The following ABCB9 variants were observed in gnomAD, a reference collection of about 807,000 sequenced individuals.
The protein encoded by ABCB9 is ATP binding cassette subfamily B member 9, also known as ABC-type oligopeptide transporter ABCB9.
ABCB9 carries 36 observed loss-of-function variants against 62.0 expected under a neutral mutation model. The observed-to-expected ratio is 0.58, with a 90% confidence interval of 0.45 to 0.77. ABCB9 has a LOEUF of 0.77. Among genes scored for constraint, ABCB9 ranks in the 30% least tolerant of loss-of-function variants. ABCB9 has a pLI of 0.00. For missense variants in ABCB9, 943 were observed against 1,054.7 expected, an observed-to-expected ratio of 0.89 and a Z score of 1.47; for synonymous variants, 435 against 461.4, an observed-to-expected ratio of 0.94 and a Z score of 0.73.
intron 1 of ABCB9, among the ~76,000 whole-genome samples, chr12:122,963,089 C>G (rs541560010): frequency 6.6e-6 from 1 of 152,234 alleles, no homozygotes; most frequent in East Asian, 1.9e-4. Context: ...CTTGAGCTCA[C>G]GAGTTCGATT....
rs2036080610 is a variant in ABCB9 at position 122,947,062 on chromosome 12, C to T, written c.1054-840G>A. On this transcript the variant is annotated intron_variant, in intron 5 of 11. Coordinates refer to ENST00000280560, the MANE Select transcript of ABCB9 (RefSeq NM_019625.4). The surrounding 1 kb of genome is among the most constrained non-coding windows in gnomAD (Gnocchi z 6.0). ...GTGGTTTGTGGAGATGACTCGCTGG[C>T]TACACACAACACATTCAGGCATGGG... Among the ~76,000 whole-genome samples the T allele has an allele frequency of 6.6e-6, 1 of 152,208 alleles. No homozygotes were observed. Among genetic ancestry groups the T allele is most frequent in the African/African-American group, 2.4e-5 (1 of 41,444 alleles).
At chr12:122,938,087 A>T (rs2035551689) in intron 9 of ABCB9, among the ~76,000 whole-genome samples, 1 of 152,248 alleles carries the variant, frequency 6.6e-6, no homozygotes, top group Admixed American at 6.5e-5. Context: ...AAACTACGGC[A>T]GTTGGGGATG....
chr12:122,972,482 A>G (rs1479054924), intron 1 of ABCB9, among the ~76,000 whole-genome samples: 1 of 151,832 alleles, frequency 6.6e-6, no homozygotes, highest in Non-Finnish European at 1.5e-5. Context: ...TGCTGGTTAC[A>G]TGGGTTTGTC....
At chr12:122,919,033 CTTCTA>C (rs1156297121), downstream of ABCB9, among the ~76,000 whole-genome samples, 1 of 152,156 alleles carries the variant, frequency 6.6e-6, no homozygotes, top group African/African-American at 2.4e-5. Context: ...TTGCATAATG[CTTCTA>C]AGGACCATCT....
chr12:122,921,678 G>C (rs2034750950), intron 11 of ABCB9, among the ~76,000 whole-genome samples: 1 of 152,178 alleles, frequency 6.6e-6, no homozygotes, highest in Admixed American at 6.5e-5. Flanking sequence ...TCGGGAGGCT[G>C]AGGCAGGAGA....
intron 2 of ABCB9, among the ~76,000 whole-genome samples, chr12:122,957,250 C>G (rs1594060733): frequency 1.3e-5 from 2 of 152,086 alleles, no homozygotes; most frequent in Non-Finnish European, 2.9e-5. Context: ...TGCTGTGTTG[C>G]CCAGAGTGGT....
downstream of ABCB9, chr12:122,924,816 T>TG: frequency 3.9e-6 from 6 of 1,534,820 alleles, no homozygotes; most frequent in South Asian, 7.1e-5. Flanking sequence ...GCACACTGTG[T>TG]GGGACAGAAG....
In ABCB9 at chr12:122,940,963, C is replaced by T. The variant is rs1166058072; in HGVS notation, c.1413G>A (p.Gln471=). 6.2e-7 allele frequency: 1 copy of T among 1,612,030 alleles called. No individual in the cohort carries two copies. The change falls in exon 8 of 12, where the codon CAG becomes CAA. Residue 471 remains glutamine (Q), a synonymous_variant. Transcript: ENST00000280560. The surrounding 1 kb of genome is among the most constrained non-coding windows in gnomAD (Gnocchi z 4.8). ...SVGSVYSGLM[Q]GVGAAEKVFE... is the part of the protein sequence containing the mutation. ...ACACCTTCTCAGCAGCCCCCACTCC[C>T]TGCATCAGGCCACTGTAGACGGAGC...
Position 122,930,981 on chromosome 12 carries a change from C to T in ABCB9, c.2041-810G>A, listed in dbSNP as rs892606568. On this transcript the variant is annotated intron_variant, in intron 11 of 11. Transcript: ENST00000280560. The surrounding 1 kb of genome is among the most constrained non-coding windows in gnomAD (Gnocchi z 4.9). ...GGTCACACAGTTATAAACTGTAGGA[C>T]GGAGCTGCTAATCCAGGTATCCCCA... 3.9e-5 allele frequency among the ~76,000 whole-genome samples: 6 copies of T among 152,284 alleles called. No individual in the cohort carries two copies. The highest frequency in any genetic ancestry group is 3.4e-3 in the Middle Eastern group (1 of 294).
At position 122,944,557 on chromosome 12, in the gene ABCB9, C is replaced by T. The variant is rs1354407149; in HGVS notation, c.1252-38G>A. ...GAGAGGGGATGTGGGTCGAGGGGAC[C>T]TTAGATCCCCCACCATCCCCATTCC... is the stretch of plus-strand genomic sequence containing the variant. On this transcript the variant is annotated intron_variant, in intron 6 of 11. Transcript: ENST00000280560. This position sits in a 1 kb window ranked among gnomAD's most constrained non-coding sequence, Gnocchi z 4.9. 6.2e-7 allele frequency: 1 copy of T among 1,607,118 alleles called. No individual in the cohort carries two copies. Among genetic ancestry groups the T allele is most frequent in the East Asian group, 2.2e-5 (1 of 44,760 alleles).
chr12:122,942,961 C>T (rs1179664101), intron 7 of ABCB9, among the ~76,000 whole-genome samples: 1 of 152,148 alleles, frequency 6.6e-6, no homozygotes, highest in African/African-American at 2.4e-5. Flanking sequence ...GATGCAATGG[C>T]CTGAGTAGCA....
chr12:122,960,165 A>G lies in ABCB9; in HGVS notation c.71T>C (p.Ile24Thr). ...MSVDICVTTA[I>T]YVFSHLDRSL... Reference sequence around the variant, plus strand: ...GCGGTCCAGGTGGCTGAAGACATAGATGGCCGTGGTCACGCAGATGTCCAC... The same window carrying G: ...GCGGTCCAGGTGGCTGAAGACATAGGTGGCCGTGGTCACGCAGATGTCCAC... The change falls in exon 2 of 12, where the codon ATC becomes ACC. Residue 24 changes from isoleucine to threonine, a missense_variant. Transcript: ENST00000280560. The G allele has an allele frequency of 6.2e-7, 1 of 1,613,652 alleles. No homozygotes were observed. The highest frequency in any genetic ancestry group is 8.5e-7 in the Non-Finnish European group (1 of 1,180,022).
intron 4 of ABCB9, 39 bp downstream of exon 4, chr12:122,949,749 C>A: frequency 6.2e-7 from 1 of 1,611,278 alleles, no homozygotes; most frequent in Non-Finnish European, 8.5e-7. Context: ...AGGGGTGGGG[C>A]CCAGCCCCCA....
rs758988644 is a variant in ABCB9 at position 122,940,072 on chromosome 12, G to A, written c.1743+39C>T. 6.3e-7 allele frequency: 1 copy of A among 1,580,652 alleles called. No individual in the cohort carries two copies. The highest frequency in any genetic ancestry group is 1.8e-5 in the Admixed American group (1 of 54,350). ...CTCACAAGAAAGACGGTTAGATGCA[G>A]AAAGGGCGGAGAAGTGTGGCCCAGG... On this transcript the variant is annotated intron_variant, in intron 9 of 11. Transcript: ENST00000280560. This position sits in a 1 kb window ranked among gnomAD's most constrained non-coding sequence, Gnocchi z 4.8.
intron 5 of ABCB9, among the ~76,000 whole-genome samples, chr12:122,946,763 C>T (rs972644899): frequency 6.6e-6 from 1 of 152,198 alleles, no homozygotes; most frequent in Non-Finnish European, 1.5e-5. Context: ...TGAAATCTGC[C>T]CACACCATGT....
At chr12:122,956,785 G>A (rs1020046459) in intron 2 of ABCB9, among the ~76,000 whole-genome samples, 2 of 152,172 alleles carry the variant, frequency 1.3e-5, no homozygotes, top group Non-Finnish European at 2.9e-5. Flanking sequence ...CTCCCAAAGT[G>A]CTGGGATTAT....
chr12:122,924,350 G>A (rs116180860), downstream of ABCB9, among the ~76,000 whole-genome samples: 1,428 of 152,306 alleles, frequency 9.4e-3, 21 homozygotes, highest in African/African-American at 0.032. Context: ...ATATCGAAGA[G>A]TTCAATCATT....
chr12:122,950,359 T>C, intron 3 of ABCB9, 92 bp downstream of exon 3: 1 of 1,251,878 alleles, frequency 8.0e-7, no homozygotes, highest in Non-Finnish European at 1.1e-6. Context: ...AGGGCCTCCC[T>C]GGCCCCTGTC....
intron 11 of ABCB9, among the ~76,000 whole-genome samples, chr12:122,921,581 A>T (rs915319545): frequency 3.3e-5 from 5 of 152,168 alleles, no homozygotes; most frequent in African/African-American, 1.2e-4. Context: ...GTTCGAGACC[A>T]GCCTGGCCAA....
Sources: gnomAD v4.1 joint callset for allele counts (sites outside exome capture counted in the v4.1 genomes callset) on GRCh38, gnomAD v4.1.1 for gene constraint, Gnocchi (gnomAD v3.1) non-coding constraint, MANE v1.5 for transcripts, NCBI Gene and HGNC (gene_info 2026-07-23, HGNC 2026-07-21) for gene names.